The following LRP2 variants were observed in gnomAD, a reference collection of about 807,000 sequenced individuals.
The protein encoded by LRP2 is LDL receptor related protein 2, also known as low-density lipoprotein receptor-related protein 2.
LRP2 carries 172 observed loss-of-function variants against 531.0 expected under a neutral mutation model. That is an observed-to-expected ratio of 0.32 (90% CI 0.29 to 0.37). The LOEUF is 0.37. Ranked by LOEUF, LRP2 falls within the 10% of genes least tolerant of loss-of-function variation. The pLI, the probability that LRP2 is intolerant of heterozygous loss-of-function variation, is 1.00. For missense variants in LRP2, 5,167 were observed against 5,868.3 expected, an observed-to-expected ratio of 0.88 and a Z score of 3.90; for synonymous variants, 1,992 against 2,027.6, an observed-to-expected ratio of 0.98 and a Z score of 0.47.
chr2:169,130,190 A>G (rs1685233682), intron 77 of LRP2, among the ~76,000 whole-genome samples: 1 of 152,318 alleles, frequency 6.6e-6, no homozygotes, highest in Non-Finnish European at 1.5e-5. Flanking sequence ...AAGTTAAGCA[A>G]TTACTAACAA....
At chr2:169,230,912 G>A (rs1013716864) in intron 31 of LRP2, among the ~76,000 whole-genome samples, 1 of 152,190 alleles carries the variant, frequency 6.6e-6, no homozygotes. Context: ...CCTTCTTAAA[G>A]TATCAGATGG....
chr2:169,229,065 G>A (rs185147161), intron 31 of LRP2, among the ~76,000 whole-genome samples: 5 of 152,286 alleles, frequency 3.3e-5, no homozygotes, highest in Admixed American at 2.6e-4. Context: ...CTACAGACCA[G>A]GTAGAGGCTT....
intron 1 of LRP2, among the ~76,000 whole-genome samples, chr2:169,327,521 T>C (rs1235021971): frequency 8.9e-6 from 1 of 112,576 alleles, no homozygotes; most frequent in African/African-American, 3.5e-5. Flanking sequence ...AGCCGCCCCG[T>C]CCGGGAGGGA....
At chr2:169,259,994 C>G (rs1690481785) in intron 16 of LRP2, among the ~76,000 whole-genome samples, 1 of 152,076 alleles carries the variant, frequency 6.6e-6, no homozygotes, top group Admixed American at 6.6e-5. Context: ...TGTTAATAAT[C>G]ACAGCTTAGA....
chr2:169,300,825 G>T (rs374482013), intron 4 of LRP2, among the ~76,000 whole-genome samples: 1 of 151,950 alleles, frequency 6.6e-6, no homozygotes, highest in African/African-American at 2.4e-5. Flanking sequence ...GGCAAGGCTC[G>T]CTGGGCAGCT....
chr2:169,158,846 T>TA (rs761633083), intron 63 of LRP2, among the ~76,000 whole-genome samples: 2,332 of 100,322 alleles, frequency 0.023, 29 homozygotes, highest in Non-Finnish European at 0.035. Context: ...ACTTTCACAG[T>TA]AAAAAAAAAA....
chr2:169,294,377 G>A (rs963543540), intron 5 of LRP2, 116 bp from the exon 6 acceptor site: 3 of 789,746 alleles, frequency 3.8e-6, no homozygotes, highest in Non-Finnish European at 6.8e-6. Flanking sequence ...AAGCAGTGGT[G>A]TGCTGGTAAC....
At chr2:169,195,922 C>T (rs150015231) in intron 46 of LRP2, among the ~76,000 whole-genome samples, 1 of 152,166 alleles carries the variant, frequency 6.6e-6, no homozygotes, top group African/African-American at 2.4e-5. Flanking sequence ...AGAAAATATC[C>T]TGAAAATAAA....
At chr2:169,327,465 C>T (rs1184039671) in intron 1 of LRP2, among the ~76,000 whole-genome samples, 1 of 123,676 alleles carries the variant, frequency 8.1e-6, no homozygotes, top group Non-Finnish European at 1.7e-5. Context: ...CCCGGCCAGC[C>T]GCCCCGTCTG....
At chr2:169,240,959 G>A (rs749697235) in intron 25 of LRP2, 29 bp downstream of exon 25, 1 of 1,606,826 alleles carries the variant, frequency 6.2e-7, no homozygotes, top group Non-Finnish European at 8.5e-7. Flanking sequence ...ATGAGTTTAT[G>A]GCCAGTAAAC....
At chr2:169,308,381 CCCCACGACAGGA>C (rs1684487385) in intron 3 of LRP2, among the ~76,000 whole-genome samples, 1 of 152,130 alleles carries the variant, frequency 6.6e-6, no homozygotes, top group Non-Finnish European at 1.5e-5. Flanking sequence ...CTCTCCCCTA[CCCCACGACAGGA>C]CCCAGTTTGT....
chr2:169,167,977 AC>A (rs1324084362), intron 61 of LRP2, among the ~76,000 whole-genome samples: 4 of 145,046 alleles, frequency 2.8e-5, no homozygotes, highest in African/African-American at 1.0e-4. Flanking sequence ...TCTGCTACTG[AC>A]ATGTACCTGA....
rs573766313 is a variant in LRP2 at position 169,309,088 on chromosome 2, C to A, written c.311-1691G>T. 7.2e-5 allele frequency among the ~76,000 whole-genome samples: 11 copies of A among 151,788 alleles called. No homozygotes were observed. The East Asian group carries it at 1.7e-3, about 24-fold the overall frequency. ...TGGGGTTGTTTGTTTTTTTCTTGTA[C>A]ATTTGTTTAAGTTCTTTGTAGATTC... On this transcript the variant is annotated intron_variant, in intron 3 of 78. Transcript: ENST00000649046.
At chr2:169,137,300 G>C in intron 76 of LRP2, 92 bp downstream of exon 76, 3 of 956,094 alleles carry the variant, frequency 3.1e-6, no homozygotes, top group South Asian at 1.3e-5. Context: ...CTTCCCTTTG[G>C]AGGGAAGGTT....
intron 1 of LRP2, among the ~76,000 whole-genome samples, chr2:169,328,461 A>G (rs751953064): frequency 0.023 from 3,427 of 146,744 alleles, 15 homozygotes; most frequent in Non-Finnish European, 0.035. Flanking sequence ...AAAAAAAAAA[A>G]AAAGAAAAAA....
intron 1 of LRP2, among the ~76,000 whole-genome samples, chr2:169,344,616 T>C (rs1382820291): frequency 6.6e-6 from 1 of 152,222 alleles, no homozygotes; most frequent in African/African-American, 2.4e-5. Context: ...CATTAAAGTT[T>C]ATTTTTAGCT....
Position 169,205,466 on chromosome 2 carries a change from C to A in LRP2, c.7715+13G>T, listed in dbSNP as rs989120322. 7 of 1,613,918 alleles carry A rather than the reference C, an allele frequency of 4.3e-6. No individual in the cohort carries two copies. The highest frequency in any genetic ancestry group is 5.9e-6 in the Non-Finnish European group (7 of 1,179,902). On this transcript the variant is annotated intron_variant, in intron 41 of 78. Transcript: ENST00000649046. ...TCTTCTTAACACCCACATGAGTAAC[C>A]AGAGACACCTACAGACTAGCATCCA...
chr2:169,349,482 G>A (rs115134079), intron 1 of LRP2, among the ~76,000 whole-genome samples: 3,659 of 152,292 alleles, frequency 0.024, 77 homozygotes, highest in Non-Finnish European at 0.04. Flanking sequence ...AATGGTTAGG[G>A]TCTTGTAGAT....
intron 76 of LRP2, among the ~76,000 whole-genome samples, chr2:169,135,921 A>G (rs571715374): frequency 6.6e-6 from 1 of 152,144 alleles, no homozygotes; most frequent in South Asian, 2.1e-4. Flanking sequence ...TGTTTCTCCA[A>G]GCCGTCACAG....
Sources: allele counts gnomAD v4.1 joint callset (sites outside exome capture counted in the v4.1 genomes callset), GRCh38; gene constraint gnomAD v4.1.1; transcripts MANE v1.5; gene names NCBI Gene and HGNC (gene_info 2026-07-23, HGNC 2026-07-21).